PLEKHG7: variants seen among roughly 807,000 people sequenced by gnomAD.
PLEKHG7 encodes pleckstrin homology and RhoGEF domain containing G7, also known as pleckstrin homology domain-containing family G member 7.
A neutral mutation model predicts 85.2 loss-of-function variants in PLEKHG7; 77 were observed. The observed-to-expected ratio is 0.90, with a 90% CI of 0.75 to 1.09. The LOEUF (loss-of-function observed/expected upper bound fraction) is 1.09. PLEKHG7 is among the 50% of genes least tolerant of loss of function. The pLI, the probability that PLEKHG7 is intolerant of heterozygous loss-of-function variation, is 0.00. For missense variants in PLEKHG7, 777 were observed against 804.3 expected (o/e 0.97, Z 0.41); for synonymous variants, 301 against 302.4 (o/e 1.00, Z 0.05).
chr12:92,713,791 C>G (rs933725508), intron 3 of PLEKHG7, among the ~76,000 whole-genome samples: 1 of 152,182 alleles, frequency 6.6e-6, no homozygotes, highest in Admixed American at 6.5e-5. Context: ...TGAGGCATTT[C>G]CAGCTCACTC....
intron 3 of PLEKHG7, among the ~76,000 whole-genome samples, chr12:92,716,541 T>A (rs916152423): frequency 4.6e-5 from 7 of 152,202 alleles, no homozygotes; most frequent in African/African-American, 1.7e-4. Flanking sequence ...TCTGTAATAT[T>A]TAAGTGAACT....
At position 92,770,165 on chromosome 12, in the gene PLEKHG7, C is replaced by T; in HGVS notation, c.2046C>T (p.Phe682=). Residue 682 remains phenylalanine, a synonymous_variant, in exon 17 of 17, where the codon TTC becomes TTT. Transcript: ENST00000344636. ...AGGAAACCAAGAAAATATCTTTATTCACATTGCCCGCAGAATCCTCTGAAA... is the reference window on the plus strand; with the variant it reads ...AGGAAACCAAGAAAATATCTTTATTTACATTGCCCGCAGAATCCTCTGAAA... The part of the protein sequence containing the change: ...KSQETKKISL[F]TLPAESSEI The T allele has an allele frequency of 6.2e-7, 1 of 1,605,978 alleles. No homozygotes were observed. Among genetic ancestry groups the T allele is most frequent in the African/African-American group, 1.3e-5 (1 of 74,670 alleles).
At chr12:92,739,247 C>T (rs562557948) in intron 7 of PLEKHG7, among the ~76,000 whole-genome samples, 4 of 152,278 alleles carry the variant, frequency 2.6e-5, no homozygotes, top group African/African-American at 9.6e-5. Flanking sequence ...GCTTAGATCA[C>T]GTGCCCACCC....
chr12:92,707,059 GGTCC>G lies in PLEKHG7; in HGVS notation c.429_432del (p.Ser144PhefsTer44). ...CCTGAGCTTCAGCCTGTCAATGAAG[GGTCC>G]CTTCACCAGGCCTCTCTTCGGCAGC... is the stretch of plus-strand genomic sequence containing the variant. On this transcript the variant is annotated frameshift_variant, in exon 2 of 17. Transcript: ENST00000344636. LOFTEE classifies it high-confidence loss of function. 1 of 1,614,032 alleles carries G rather than the reference GGTCC, an allele frequency of 6.2e-7. No homozygotes were observed. Among genetic ancestry groups the G allele is most frequent in the Non-Finnish European group, 8.5e-7 (1 of 1,180,010 alleles).
Position 92,707,150 on chromosome 12 carries a change from C to G in PLEKHG7, c.507+12C>G, listed in dbSNP as rs1279445185. 4 of 1,602,744 alleles carry G rather than the reference C, an allele frequency of 2.5e-6. No homozygotes were observed. The East Asian group carries it at 6.7e-5, about 27-fold the overall frequency. ...ACCCTAGTCCTCAGGTAACACAGCT[C>G]TAAGCCTCCGGCCTCTCAGTTGCTG... On this transcript the variant is annotated intron_variant, in intron 2 of 16. Transcript: ENST00000344636.
chr12:92,770,391 G>T lies in PLEKHG7; in HGVS notation c.*196G>T. The T allele has an allele frequency of 2.0e-6, 1 of 502,500 alleles. No homozygotes were observed. The highest frequency in any genetic ancestry group is 2.8e-5 in the South Asian group (1 of 35,092). The allele number at this position is 502,500 out of a possible 1,614,324, so 31.1% of individuals were successfully genotyped here. A position where few individuals can be genotyped will look rare whatever the true frequency, so the allele number is the denominator to read the frequency against. On this transcript the variant is annotated 3_prime_UTR_variant, in exon 17 of 17. Transcript: ENST00000344636. ...GACTGCAACAAATTTGAACTCTGAG[G>T]AATTTCTTGACAAATATATACTGAC...
intron 4 of PLEKHG7, among the ~76,000 whole-genome samples, chr12:92,731,288 C>G (rs192847373): frequency 1.9e-3 from 295 of 152,232 alleles, no homozygotes; most frequent in Non-Finnish European, 1.0e-3. Flanking sequence ...TAATAAAGAT[C>G]AATAAGCTGG....
intron 1 of PLEKHG7, among the ~76,000 whole-genome samples, chr12:92,704,843 G>A (rs61937462): frequency 0.025 from 3,841 of 152,276 alleles, 68 homozygotes; most frequent in Non-Finnish European, 0.04. Flanking sequence ...CTCCCAAAGT[G>A]CTCGGATTAC....
intron 13 of PLEKHG7, among the ~76,000 whole-genome samples, chr12:92,761,445 T>C (rs1872984986): frequency 6.6e-6 from 1 of 151,864 alleles, no homozygotes; most frequent in Non-Finnish European, 1.5e-5. Flanking sequence ...CAATTCAACA[T>C]TGAGGCAGGC....
intron 3 of PLEKHG7, among the ~76,000 whole-genome samples, chr12:92,722,367 A>G (rs376741052): frequency 6.6e-6 from 1 of 152,216 alleles, no homozygotes; most frequent in Non-Finnish European, 1.5e-5. Context: ...AGGTCTCTGC[A>G]TGGCTACAAT....
At chr12:92,751,232 C>T (rs924734378) in intron 10 of PLEKHG7, among the ~76,000 whole-genome samples, 1 of 152,070 alleles carries the variant, frequency 6.6e-6, no homozygotes, top group African/African-American at 2.4e-5. Context: ...TCTTTCAGCA[C>T]GTTGCCTAAT....
chr12:92,770,996 G>GGTGTGTGTGTGTGTGTGT lies in PLEKHG7; in HGVS notation c.*810_*827dup, dbSNP rs57839500. ...ATAAAAATACTTTCTGGTTTTGATT[G>GGTGTGTGTGTGTGTGTGT]GTGTGTGTGTGTGTGTGTGTGTGTG... On this transcript the variant is annotated 3_prime_UTR_variant, in exon 17 of 17. Transcript: ENST00000344636. 3.3e-5 allele frequency: 5 copies of GGTGTGTGTGTGTGTGTGT among 150,382 alleles called. 1 individual carries two copies. The East Asian group carries it at 9.8e-4, about 29-fold the overall frequency. 9.3% of individuals were successfully genotyped at this position (150,382 alleles called of 1,614,324 possible).
intron 3 of PLEKHG7, among the ~76,000 whole-genome samples, chr12:92,718,610 G>T (rs78170560): frequency 1.3e-5 from 2 of 152,108 alleles, no homozygotes; most frequent in African/African-American, 2.4e-5. Flanking sequence ...CTTTTGTTTC[G>T]TGTATTTTCT....
intron 3 of PLEKHG7, among the ~76,000 whole-genome samples, chr12:92,718,560 G>A (rs763945007): frequency 2.0e-5 from 3 of 152,168 alleles, no homozygotes; most frequent in Non-Finnish European, 4.4e-5. Context: ...ATTGGTAGTT[G>A]GGTTTGGACA....
At chr12:92,717,617 C>T (rs1871526194) in intron 3 of PLEKHG7, among the ~76,000 whole-genome samples, 1 of 152,196 alleles carries the variant, frequency 6.6e-6, no homozygotes. Context: ...TTTGCTCTAC[C>T]TAGTTTATGT....
intron 10 of PLEKHG7, among the ~76,000 whole-genome samples, chr12:92,753,644 C>A (rs1040396803): frequency 1.3e-5 from 2 of 152,138 alleles, no homozygotes; most frequent in African/African-American, 2.4e-5. Context: ...TCTTCATTTT[C>A]GATCATTACC....
chr12:92,758,040 A>G (rs928996043), intron 13 of PLEKHG7, among the ~76,000 whole-genome samples: 1 of 152,248 alleles, frequency 6.6e-6, no homozygotes, highest in Admixed American at 6.5e-5. Flanking sequence ...CTTTCATTTG[A>G]AAACATAACA....
At chr12:92,753,541 A>G (rs1430185100) in intron 10 of PLEKHG7, among the ~76,000 whole-genome samples, 1 of 152,058 alleles carries the variant, frequency 6.6e-6, no homozygotes, top group African/African-American at 2.4e-5. Flanking sequence ...AACTCTCCCT[A>G]TTGAAAATTG....
Position 92,732,644 on chromosome 12 carries a change from C to G in PLEKHG7, c.699+371C>G, listed in dbSNP as rs1326993412. Among the ~76,000 whole-genome samples the G allele has an allele frequency of 2.6e-5, 4 of 152,282 alleles. No individual in the cohort carries two copies. The East Asian group carries it at 7.7e-4, about 29-fold the overall frequency. The stretch of plus-strand genomic sequence containing the variant: ...CAGTTAGTGTCGTGTATATTGGGAA[C>G]ATTGAAAAATGAATGAGATCTTACA... On this transcript the variant is annotated intron_variant, in intron 5 of 16. Transcript: ENST00000344636.
Sources: allele counts gnomAD v4.1 joint callset (sites outside exome capture counted in the v4.1 genomes callset), GRCh38; gene constraint gnomAD v4.1.1; transcripts MANE v1.5; gene names NCBI Gene and HGNC (gene_info 2026-07-23, HGNC 2026-07-21).